WDR59: variants seen among roughly 807,000 people sequenced by gnomAD.
WDR59 encodes WD repeat domain 59.
In WDR59, 100 loss-of-function variants were observed where a neutral mutation model predicts 131.2. The ratio of observed to expected loss-of-function variants is 0.76; its 90% CI spans 0.65 to 0.90. The LOEUF (loss-of-function observed/expected upper bound fraction) is 0.90, where lower values mean the gene tolerates loss of function less well. Ranked by LOEUF, WDR59 falls within the 40% of genes least tolerant of loss-of-function variation. WDR59 has a pLI of 0.00. For missense variants in WDR59, 1,203 were observed against 1,262.2 expected (o/e 0.95, Z 0.71); for synonymous variants, 601 against 466.2 (o/e 1.29, Z -3.72).
intron 20 of WDR59, among the ~76,000 whole-genome samples, chr16:74,890,985 A>G (rs1343708009): frequency 6.6e-6 from 1 of 151,906 alleles, no homozygotes; most frequent in Admixed American, 6.6e-5. Flanking sequence ...ATGGTGGCAC[A>G]CGCCTGTAGT....
intron 1 of WDR59, among the ~76,000 whole-genome samples, chr16:74,969,575 TTTTTG>T (rs2033902621): frequency 1.2e-5 from 1 of 84,596 alleles, no homozygotes; most frequent in Non-Finnish European, 3.2e-5. Context: ...CCGGCCTGTT[TTTTTG>T]TTTTTATTTT....
At chr16:74,948,498 G>A (rs781355284) in intron 6 of WDR59, 21 bp downstream of exon 6, 47 of 1,609,818 alleles carry the variant, frequency 2.9e-5, no homozygotes, top group Non-Finnish European at 3.7e-5. Flanking sequence ...CCAGGGTGAG[G>A]TGGGAGAAGC....
At chr16:74,937,640 T>C (rs1367521470) in intron 8 of WDR59, among the ~76,000 whole-genome samples, 1 of 152,104 alleles carries the variant, frequency 6.6e-6, no homozygotes, top group Non-Finnish European at 1.5e-5. Context: ...TAGATGGAAT[T>C]ACAGGTGTGC....
rs142094259 is a variant in WDR59 at position 74,954,181 on chromosome 16, G to A, written c.240+2294C>T. On this transcript the variant is annotated intron_variant, in intron 3 of 25. Coordinates refer to ENST00000262144, the MANE Select transcript of WDR59 (RefSeq NM_030581.4). Reference sequence around the variant, plus strand: ...CCAAGCACTTTGGGAGGCTGAGGTGGGTGGATCACCTGAGGTCGAGAGTTT... The same window carrying A: ...CCAAGCACTTTGGGAGGCTGAGGTGAGTGGATCACCTGAGGTCGAGAGTTT... Among the ~76,000 whole-genome samples, 946 of 152,248 alleles carry A rather than the reference G, an allele frequency of 6.2e-3. 9 individuals are homozygous for A. Among genetic ancestry groups the A allele is most frequent in the African/African-American group, 0.022 (906 of 41,548 alleles).
intron 8 of WDR59, among the ~76,000 whole-genome samples, chr16:74,932,160 C>A (rs1209223300): frequency 6.6e-6 from 1 of 151,468 alleles, no homozygotes; most frequent in Non-Finnish European, 1.5e-5. Flanking sequence ...GTGGTCTGAT[C>A]ACAGCTCATT....
chr16:74,928,377 C>T lies in WDR59; in HGVS notation c.652-4374G>A, dbSNP rs144345419. 5.5e-3 allele frequency among the ~76,000 whole-genome samples: 828 copies of T among 151,748 alleles called. 12 individuals are homozygous for T. Among genetic ancestry groups the T allele is most frequent in the African/African-American group, 0.019 (780 of 41,394 alleles). ...GACTACAAGGGCACACCACCACATCCGGCTAATTTTTTTTATTTTTCTATA... is the reference window on the plus strand; with the variant it reads ...GACTACAAGGGCACACCACCACATCTGGCTAATTTTTTTTATTTTTCTATA... On this transcript the variant is annotated intron_variant, in intron 8 of 25. Transcript: ENST00000262144.
chr16:74,944,707 C>G (rs558620952), intron 6 of WDR59, among the ~76,000 whole-genome samples: 50 of 152,216 alleles, frequency 3.3e-4, no homozygotes, highest in African/African-American at 1.1e-3. Flanking sequence ...TCTCACTTGC[C>G]TCTTTTCCCC....
intron 9 of WDR59, 25 bp from the exon 10 acceptor site, chr16:74,922,128 G>C (rs747523507): frequency 1.2e-6 from 2 of 1,613,372 alleles, no homozygotes; most frequent in East Asian, 2.2e-5. Context: ...GGAAAAGCAG[G>C]TGATTAGATT....
Position 74,885,775 on chromosome 16 carries a change from G to C in WDR59, c.2567C>G (p.Thr856Ser), listed in dbSNP as rs747992526. ...TTTCTTAAAGTCATCAAATTGCTGGGTATTGGCGGGGTCCAGGAGCCTGGA... is the reference window on the plus strand; with the variant it reads ...TTTCTTAAAGTCATCAAATTGCTGGCTATTGGCGGGGTCCAGGAGCCTGGA... ...KNKRLLDPAN[T>S]QQFDDFKKCY... Residue 856 changes from threonine (T) to serine (S), a missense_variant, in exon 25 of 26, where the codon ACC (threonine) becomes AGC (serine). Coordinates refer to ENST00000262144, the MANE Select transcript of WDR59 (RefSeq NM_030581.4). 22 of 1,613,926 alleles carry C rather than the reference G, an allele frequency of 1.4e-5. No homozygotes were observed. Among genetic ancestry groups the C allele is most frequent in the Non-Finnish European group, 1.8e-5 (21 of 1,180,004 alleles).
In WDR59 at chr16:74,872,076, C is replaced by T. The variant is rs1964020772; in HGVS notation, c.*2133G>A. 6.6e-6 allele frequency: 1 copy of T among 152,270 alleles called. No individual in the cohort carries two copies. 9.4% of individuals were successfully genotyped at this position (152,270 alleles called of 1,614,324 possible). On this transcript the variant is annotated 3_prime_UTR_variant, in exon 26 of 26. Transcript: ENST00000262144. ...ATGATCCGGTATACACCTGTGCACA[C>T]ATGTGCTGCACACACGTAAACAAGT...
intron 11 of WDR59, among the ~76,000 whole-genome samples, 195 bp downstream of exon 11, chr16:74,917,734 G>A (rs138440641): frequency 9.3e-5 from 14 of 149,762 alleles, no homozygotes; most frequent in East Asian, 2.0e-4. Flanking sequence ...GCTTGAACCC[G>A]GGAGGCAGAG....
rs113923771 is a variant in WDR59, at chr16:74,919,580, T to G, written c.887-1572A>C. On this transcript the variant is annotated intron_variant, in intron 10 of 25. Transcript: ENST00000262144. ...CTGGTCTCAAACTCCTGGCCTCAAGTGATCAACCTGCCTTGGCCTCCCAAA... is the reference window on the plus strand; with the variant it reads ...CTGGTCTCAAACTCCTGGCCTCAAGGGATCAACCTGCCTTGGCCTCCCAAA... Among the ~76,000 whole-genome samples, 386 of 152,044 alleles carry G rather than the reference T, an allele frequency of 2.5e-3. 2 individuals carry two copies. In the Middle Eastern group the frequency reaches 0.027, roughly 11 times the overall value.
chr16:74,982,537 A>T (rs1349093151), intron 1 of WDR59, among the ~76,000 whole-genome samples: 2 of 152,188 alleles, frequency 1.3e-5, no homozygotes, highest in Non-Finnish European at 2.9e-5. Context: ...CAGGGGTGAG[A>T]CTACCTGGGT....
chr16:74,974,422 T>C (rs1249023683), intron 1 of WDR59, among the ~76,000 whole-genome samples: 5 of 152,164 alleles, frequency 3.3e-5, no homozygotes, highest in Non-Finnish European at 7.4e-5. Flanking sequence ...CTGCTTAACA[T>C]ATACCGACCA....
At chr16:74,958,124 A>G (rs1214897647) in intron 2 of WDR59, among the ~76,000 whole-genome samples, 1 of 152,200 alleles carries the variant, frequency 6.6e-6, no homozygotes, top group Non-Finnish European at 1.5e-5. Context: ...CAAATGTACA[A>G]AGGCAGAAAG....
chr16:74,909,136 G>C (rs1965961071), intron 16 of WDR59, among the ~76,000 whole-genome samples, 159 bp from the exon 17 acceptor site: 1 of 152,060 alleles, frequency 6.6e-6, no homozygotes. Flanking sequence ...CCCTTACCAG[G>C]AACAAAGGTC....
chr16:74,981,057 A>G lies in WDR59; in HGVS notation c.54+3907T>C, dbSNP rs535610320. Among the ~76,000 whole-genome samples, 211 of 133,414 alleles carry G rather than the reference A, an allele frequency of 1.6e-3. 1 individual carries two copies. The highest frequency in any genetic ancestry group is 5.4e-3 in the African/African-American group (198 of 36,658). The allele number at this position is 133,414 out of a possible 152,430, so 87.5% of individuals were successfully genotyped here. A position where few individuals can be genotyped will look rare whatever the true frequency, so the allele number is the denominator to read the frequency against. ...AGCCTGAACAAGAACGTAAAGCCCC[A>G]TCTCTGCAAAAAAAAACACACAAAA... On this transcript the variant is annotated intron_variant, in intron 1 of 25. Coordinates refer to ENST00000262144, the MANE Select transcript of WDR59 (RefSeq NM_030581.4).
chr16:74,911,426 A>G (rs913541464), intron 14 of WDR59, among the ~76,000 whole-genome samples: 1 of 152,214 alleles, frequency 6.6e-6, no homozygotes, highest in Non-Finnish European at 1.5e-5. Flanking sequence ...AAAAATGAGC[A>G]ACATTCAGCT....
intron 20 of WDR59, among the ~76,000 whole-genome samples, chr16:74,892,126 A>AT (rs1041099302): frequency 1.3e-4 from 20 of 152,248 alleles, no homozygotes; most frequent in African/African-American, 4.8e-4. Flanking sequence ...ATCTCTATCT[A>AT]AAGGAGCACT....
Sources: gnomAD v4.1 joint callset for allele counts (sites outside exome capture counted in the v4.1 genomes callset) on GRCh38, gnomAD v4.1.1 for gene constraint, MANE v1.5 for transcripts, NCBI Gene and HGNC (gene_info 2026-07-23, HGNC 2026-07-21) for gene names.